DHX37: variants seen among roughly 807,000 people sequenced by gnomAD.
The protein encoded by DHX37 is DEAH-box helicase 37.
DHX37 carries 52 observed loss-of-function variants against 134.3 expected under a neutral mutation model. The ratio of observed to expected loss-of-function variants is 0.39; its 90% CI spans 0.31 to 0.49. DHX37 has a LOEUF of 0.49. DHX37 is among the 20% of genes least tolerant of loss of function. The pLI is 0.93. For missense variants in DHX37, 1,344 were observed against 1,580.8 expected (o/e 0.85, Z 2.54); for synonymous variants, 634 against 670.7 (o/e 0.95, Z 0.85).
chr12:124,980,379 G>T lies in DHX37; in HGVS notation c.738+111C>A. On this transcript the variant is annotated intron_variant, in intron 4 of 26. Transcript: ENST00000308736. The surrounding 1 kb of genome is among the most constrained non-coding windows in gnomAD (Gnocchi z 5.3). ...AGTCACTCTCCCCTTTCCCAGATGG[G>T]GACATGGAGGCACAGAGAAGGGATG... 3.3e-6 allele frequency: 4 copies of T among 1,214,870 alleles called. No homozygotes were observed. Among genetic ancestry groups the T allele is most frequent in the African/African-American group, 1.5e-5 (1 of 64,982 alleles). 75.3% of individuals were successfully genotyped at this position (1,214,870 alleles called of 1,614,324 possible).
intron 4 of DHX37, among the ~76,000 whole-genome samples, chr12:124,979,536 C>T: frequency 6.6e-6 from 1 of 152,134 alleles, no homozygotes; most frequent in Non-Finnish European, 1.5e-5. Context: ...ATGGATGTAT[C>T]CCAAGATATA....
intron 25 of DHX37, 199 bp from the exon 26 acceptor site, chr12:124,948,380 T>C (rs1042669714): frequency 7.3e-6 from 7 of 962,838 alleles, no homozygotes; most frequent in African/African-American, 1.7e-5. Flanking sequence ...AGCCTGGGAG[T>C]TGGAGGCTGC....
intron 1 of DHX37, among the ~76,000 whole-genome samples, chr12:124,988,607 G>T (rs1954919322): frequency 6.6e-6 from 1 of 152,124 alleles, no homozygotes; most frequent in Admixed American, 6.5e-5. Flanking sequence ...ACATTTGGGG[G>T]TCGCTGGAGA....
chr12:124,958,661 A>G (rs1017877944), intron 16 of DHX37, among the ~76,000 whole-genome samples: 2 of 151,638 alleles, frequency 1.3e-5, no homozygotes, highest in African/African-American at 4.8e-5. Context: ...GAGTCTTGCT[A>G]TATCGCCCAG....
Position 124,950,478 on chromosome 12 carries a change from T to C in DHX37, c.3056A>G (p.Glu1019Gly). The part of the protein sequence containing the change: ...PSYCQFDKPL[E>G]EPAPTYCPER... ...GGGGCAGTATGTAGGGGCTGGTTCC[T>C]CCAGGGGCTTGTCAAACTGGCAGTA... Residue 1019 changes from glutamate (E) to glycine (G), a missense_variant, in exon 23 of 27, where the codon GAG (glutamate) becomes GGG (glycine). By Grantham distance (98) the Glu-to-Gly change is moderately conservative. Around this residue, in one of 7 missense-constraint regions of DHX37, gnomAD observed 558 missense variants for 650.0 expected, o/e 0.86. Coordinates refer to ENST00000308736, the MANE Select transcript of DHX37 (RefSeq NM_032656.4). 6.3e-7 allele frequency: 1 copy of C among 1,579,444 alleles called. No individual in the cohort carries two copies. Among genetic ancestry groups the C allele is most frequent in the Non-Finnish European group, 8.6e-7 (1 of 1,162,950 alleles).
intron 4 of DHX37, among the ~76,000 whole-genome samples, chr12:124,979,445 C>T (rs140051371): frequency 6.6e-6 from 1 of 152,276 alleles, no homozygotes; most frequent in African/African-American, 2.4e-5. Flanking sequence ...CAACAGAATA[C>T]TCATCCTGCG....
At chr12:124,978,703 C>T (rs993708633) in intron 4 of DHX37, among the ~76,000 whole-genome samples, 6 of 151,178 alleles carry the variant, frequency 4.0e-5, no homozygotes, top group African/African-American at 1.4e-4. Context: ...AGGCAGAGGA[C>T]TGCTTGAGGT....
chr12:124,973,058 C>T (rs758253875), intron 6 of DHX37, among the ~76,000 whole-genome samples: 1 of 152,206 alleles, frequency 6.6e-6, no homozygotes, highest in African/African-American at 2.4e-5. Context: ...GGGAGAATTA[C>T]TTGTGCCCAA....
chr12:124,952,323 C>T, intron 21 of DHX37, 75 bp downstream of exon 21: 2 of 1,471,074 alleles, frequency 1.4e-6, no homozygotes, highest in Non-Finnish European at 1.8e-6. Flanking sequence ...CCTCCCCAGA[C>T]CCTGAGGGCC....
intron 4 of DHX37, among the ~76,000 whole-genome samples, chr12:124,978,507 G>A (rs367842902): frequency 6.6e-6 from 1 of 150,926 alleles, no homozygotes; most frequent in African/African-American, 2.4e-5. Flanking sequence ...CAGTAGAGAC[G>A]GGGTTTCACC....
In DHX37 at chr12:124,980,538, C is replaced by T. The variant is rs764261213; in HGVS notation, c.690G>A (p.Leu230=). ...CGGGGATGAAGACGGCGGGCTTAGC[C>T]AGGGCCCTGGGCAGTGGTGGGGCTG... is the stretch of plus-strand genomic sequence containing the variant. ...PAAAPPLPRA[L]AKPAVFIPVN... is the part of the protein sequence containing the mutation. The change falls in exon 4 of 27, where the codon CTG becomes CTA. Residue 230 remains leucine, a synonymous_variant. Coordinates refer to ENST00000308736, the MANE Select transcript of DHX37 (RefSeq NM_032656.4). This position sits in a 1 kb window ranked among gnomAD's most constrained non-coding sequence, Gnocchi z 5.3. The T allele has an allele frequency of 8.1e-6, 13 of 1,612,266 alleles. No homozygotes were observed. The Admixed American group carries it at 2.2e-4, about 27-fold the overall frequency.
intron 20 of DHX37, chr12:124,953,607 T>G: frequency 2.1e-6 from 1 of 467,486 alleles, no homozygotes; most frequent in Non-Finnish European, 3.8e-6. Flanking sequence ...TGATGGAAAA[T>G]GGCAGGGGGT....
Position 124,950,293 on chromosome 12 carries a change from C to T in DHX37, c.3122-50G>A, listed in dbSNP as rs374636660. ...AGGGACCCTCCTGCAGCTGCCCTCC[C>T]GAGTCCCATCCCTGCCCCACCCGAG... On this transcript the variant is annotated intron_variant, in intron 23 of 26. Coordinates refer to ENST00000308736, the MANE Select transcript of DHX37 (RefSeq NM_032656.4). 91 of 1,609,168 alleles carry T rather than the reference C, an allele frequency of 5.7e-5. No individual in the cohort carries two copies. In the East Asian group the frequency reaches 1.2e-3, roughly 21 times the overall value.
intron 16 of DHX37, among the ~76,000 whole-genome samples, chr12:124,958,708 C>A (rs1479336713): frequency 1.3e-5 from 2 of 152,038 alleles, no homozygotes; most frequent in East Asian, 3.9e-4. Flanking sequence ...CTCACTGCAA[C>A]CTCTGCCTCT....
chr12:124,948,193 G>A lies in DHX37; in HGVS notation c.3291-12C>T. 1.9e-6 allele frequency: 3 copies of A among 1,611,822 alleles called. No homozygotes were observed. In the South Asian group the frequency reaches 3.3e-5, roughly 18 times the overall value. On this transcript the variant is annotated splice_polypyrimidine_tract_variant and intron_variant, in intron 25 of 26. Transcript: ENST00000308736. ...TACGGGGCTGCAGCCTGTGGGGCAGGAATGCACGTTGGTGGCAGGCAGCCA... is the reference window on the plus strand; with the variant it reads ...TACGGGGCTGCAGCCTGTGGGGCAGAAATGCACGTTGGTGGCAGGCAGCCA...
In DHX37 at chr12:124,953,971, G is replaced by C. The variant is rs553181503; in HGVS notation, c.2604C>G (p.Ala868=). Residue 868 remains alanine (A), a synonymous_variant, in exon 20 of 27, where the codon GCC becomes GCG. Coordinates refer to ENST00000308736, the MANE Select transcript of DHX37 (RefSeq NM_032656.4). ...CTTCGCAAAACTGGGGTGTGCAGCT[G>C]GCATACTCACAGGCTCCCACGGCGC... ...LLGAVGACEY[A]SCTPQFCEAN... 1.2e-6 allele frequency: 2 copies of C among 1,613,388 alleles called. No individual in the cohort carries two copies. Among genetic ancestry groups the C allele is most frequent in the Non-Finnish European group, 1.7e-6 (2 of 1,179,932 alleles).
At chr12:124,965,310 G>T (rs1954359276) in intron 13 of DHX37, among the ~76,000 whole-genome samples, 1 of 152,212 alleles carries the variant, frequency 6.6e-6, no homozygotes, top group Non-Finnish European at 1.5e-5. Flanking sequence ...TGGCAGCATT[G>T]TGGTGGGGTC....
rs760011886 is a variant in DHX37, at chr12:124,988,947, CG to C, written c.75del (p.Glu26SerfsTer15). ...AGTTCCAGCTGCACGGGGGGCGGCT[CG>C]GGGGGGCCCTTCGAGGGTCCGGGGC... Reference protein sequence around the residue: ...QAGPGPSKGPPEPPPVQLELE... With the variant: ...QAGPGPSKGPXEPPPVQLELE... On this transcript the variant is annotated frameshift_variant, in exon 1 of 27. Coordinates refer to ENST00000308736, the MANE Select transcript of DHX37 (RefSeq NM_032656.4). LOFTEE classifies it high-confidence loss of function. 2.0e-5 allele frequency: 27 copies of C among 1,339,352 alleles called. No individual in the cohort carries two copies. The highest frequency in any genetic ancestry group is 1.2e-4 in the South Asian group (5 of 41,212). 83.0% of individuals were successfully genotyped at this position (1,339,352 alleles called of 1,614,324 possible). A position where few individuals can be genotyped will look rare whatever the true frequency, so the allele number is the denominator to read the frequency against.
In DHX37 at chr12:124,962,525, G is replaced by A. The variant is rs145971834; in HGVS notation, c.2045+1869C>T. 6.8e-3 allele frequency among the ~76,000 whole-genome samples: 1,036 copies of A among 151,736 alleles called. 13 individuals are homozygous for A. Among genetic ancestry groups the A allele is most frequent in the African/African-American group, 0.023 (969 of 41,354 alleles). On this transcript the variant is annotated intron_variant, in intron 15 of 26. Transcript: ENST00000308736. ...ACAAAAATTAGCTGGGCGTGGTGGT[G>A]GGCACCTGTAATCTCAGCTACTTGG...
Sources: gnomAD v4.1 joint callset for allele counts (sites outside exome capture counted in the v4.1 genomes callset) on GRCh38, gnomAD v4.1.1 for gene constraint, gnomAD v4.1.1 regional missense constraint, Gnocchi (gnomAD v3.1) non-coding constraint, MANE v1.5 for transcripts, NCBI Gene and HGNC (gene_info 2026-07-23, HGNC 2026-07-21) for gene names.